The following SMAP1 variants were observed in gnomAD, a reference collection of about 807,000 sequenced individuals.
SMAP1 encodes small ArfGAP 1.
Under a neutral mutation model 58.5 loss-of-function variants are expected in SMAP1, and 24 were observed. The observed-to-expected ratio is 0.41, with a 90% CI of 0.30 to 0.58. The LOEUF is 0.58. Among genes scored for constraint, SMAP1 ranks in the 20% least tolerant of loss-of-function variants. SMAP1 has a pLI of 0.29. For missense variants in SMAP1, 563 were observed against 566.3 expected, an observed-to-expected ratio of 0.99 and a Z score of 0.06; for synonymous variants, 216 against 196.6, an observed-to-expected ratio of 1.10 and a Z score of -0.82.
intron 3 of SMAP1, among the ~76,000 whole-genome samples, chr6:70,767,540 GCTCT>G (rs1241244570): frequency 1.3e-5 from 2 of 151,780 alleles, no homozygotes; most frequent in Non-Finnish European, 2.9e-5. Context: ...TCATGATTTG[GCTCT>G]CTGTTTGTCT....
intron 1 of SMAP1, among the ~76,000 whole-genome samples, chr6:70,693,370 C>CT (rs1181188106): frequency 7.0e-6 from 1 of 142,508 alleles, no homozygotes; most frequent in Non-Finnish European, 1.5e-5. Context: ...GTGGTGCAAT[C>CT]TCTGCTCACT....
intron 1 of SMAP1, among the ~76,000 whole-genome samples, chr6:70,671,954 A>G (rs796433066): frequency 2.0e-5 from 3 of 152,272 alleles, no homozygotes; most frequent in African/African-American, 4.8e-5. Flanking sequence ...TGCCCATTCA[A>G]TTTTGGGTAG....
At chr6:70,806,152 G>A (rs915274920) in intron 6 of SMAP1, among the ~76,000 whole-genome samples, 1 of 152,314 alleles carries the variant, frequency 6.6e-6, no homozygotes, top group Admixed American at 6.5e-5. Flanking sequence ...GCTGAGCTGC[G>A]GTGGGCTCCG....
chr6:70,853,095 G>C (rs1771250501), intron 8 of SMAP1, among the ~76,000 whole-genome samples: 1 of 152,064 alleles, frequency 6.6e-6, no homozygotes, highest in Admixed American at 6.6e-5. Context: ...GTGGCTGTTT[G>C]TAAATATTGA....
intron 3 of SMAP1, among the ~76,000 whole-genome samples, chr6:70,769,808 G>T (rs1364070386): frequency 2.0e-5 from 3 of 152,132 alleles, no homozygotes; most frequent in African/African-American, 7.2e-5. Flanking sequence ...ATGTTAGCTG[G>T]TTATTTTGCT....
intron 1 of SMAP1, among the ~76,000 whole-genome samples, chr6:70,671,496 G>A (rs1766262880): frequency 6.6e-6 from 1 of 152,124 alleles, no homozygotes; most frequent in South Asian, 2.1e-4. Flanking sequence ...CTTGAACCTG[G>A]GAGGCGGAGA....
intron 7 of SMAP1, among the ~76,000 whole-genome samples, chr6:70,849,601 T>C (rs1771110555): frequency 6.6e-6 from 1 of 152,124 alleles, no homozygotes; most frequent in African/African-American, 2.4e-5. Context: ...GAGTCACACA[T>C]TGAATAAATA....
intron 2 of SMAP1, among the ~76,000 whole-genome samples, chr6:70,735,254 G>T (rs1310966709): frequency 1.3e-5 from 2 of 152,136 alleles, no homozygotes; most frequent in Non-Finnish European, 2.9e-5. Context: ...GAGCATTTCT[G>T]TCACACTAGA....
At chr6:70,831,511 G>A (rs540489323) in intron 6 of SMAP1, among the ~76,000 whole-genome samples, 142 of 152,180 alleles carry the variant, frequency 9.3e-4, no homozygotes, top group African/African-American at 2.8e-3. Flanking sequence ...AAGTGAGAGC[G>A]TGCAGTATTT....
At chr6:70,809,123 A>T (rs2149967405) in intron 6 of SMAP1, among the ~76,000 whole-genome samples, 1 of 152,314 alleles carries the variant, frequency 6.6e-6, no homozygotes, top group South Asian at 2.1e-4. Context: ...ATCAATTCAC[A>T]AAGTATATAA....
At chr6:70,796,729 T>C (rs138223629) in intron 5 of SMAP1, among the ~76,000 whole-genome samples, 13 of 152,218 alleles carry the variant, frequency 8.5e-5, no homozygotes, top group Non-Finnish European at 1.5e-5. Context: ...TATGTTAATA[T>C]CCTTAATGTT....
intron 1 of SMAP1, among the ~76,000 whole-genome samples, chr6:70,707,259 G>C (rs1351788707): frequency 6.6e-6 from 1 of 152,054 alleles, no homozygotes; most frequent in Non-Finnish European, 1.5e-5. Context: ...ATTCACTTGT[G>C]TCCATTCTTT....
intron 2 of SMAP1, among the ~76,000 whole-genome samples, chr6:70,736,375 T>TA (rs1765618417): frequency 6.6e-6 from 1 of 152,162 alleles, no homozygotes; most frequent in Non-Finnish European, 1.5e-5. Flanking sequence ...CTTTTATAAA[T>TA]ACTATAGCTT....
chr6:70,798,563 CT>C, intron 5 of SMAP1, 93 bp from the exon 6 acceptor site: 1 of 910,860 alleles, frequency 1.1e-6, no homozygotes, highest in Non-Finnish European at 1.6e-6. Flanking sequence ...ATATTTCTAC[CT>C]TTTTCAGATG....
chr6:70,772,510 G>A (rs1211840154), intron 3 of SMAP1, among the ~76,000 whole-genome samples: 3 of 152,128 alleles, frequency 2.0e-5, no homozygotes, highest in Non-Finnish European at 4.4e-5. Context: ...CTTTACCTGA[G>A]TACCAGAGGA....
chr6:70,685,276 T>G (rs1168278350), intron 1 of SMAP1, among the ~76,000 whole-genome samples: 1 of 138,180 alleles, frequency 7.2e-6, no homozygotes, highest in East Asian at 2.2e-4. Flanking sequence ...GAAAATAAAG[T>G]AGTTAATACT....
chr6:70,687,964 C>A (rs1767000197), intron 1 of SMAP1, among the ~76,000 whole-genome samples: 1 of 152,160 alleles, frequency 6.6e-6, no homozygotes, highest in Non-Finnish European at 1.5e-5. Context: ...TCTGTCCCAC[C>A]CCACCCATCC....
intron 7 of SMAP1, among the ~76,000 whole-genome samples, chr6:70,848,226 C>G (rs1771062165): frequency 6.6e-6 from 1 of 152,086 alleles, no homozygotes. Context: ...CTTCCAGGAG[C>G]CCAGTTTGCT....
chr6:70,832,483 G>GT (rs1479791198), intron 6 of SMAP1, among the ~76,000 whole-genome samples: 1 of 152,124 alleles, frequency 6.6e-6, no homozygotes, highest in Non-Finnish European at 1.5e-5. Context: ...ATGTTTTCAG[G>GT]TTTTTTGGAA....
Sources: allele counts gnomAD v4.1 joint callset (sites outside exome capture counted in the v4.1 genomes callset), GRCh38; gene constraint gnomAD v4.1.1; transcripts MANE v1.5; gene names NCBI Gene and HGNC (gene_info 2026-07-23, HGNC 2026-07-21).